Variants in PTDSS1 observed in about 807,000 individuals in gnomAD.
The protein encoded by PTDSS1 is PSS-1.
In PTDSS1, 45 loss-of-function variants were observed where a neutral mutation model predicts 70.5. The observed-to-expected ratio is 0.64, with a 90% CI of 0.50 to 0.82. PTDSS1 has a LOEUF of 0.82. Ranked by LOEUF, PTDSS1 falls within the 40% of genes least tolerant of loss-of-function variation. PTDSS1 has a pLI of 0.00. For synonymous variants in PTDSS1, 188 were observed against 203.8 expected, an observed-to-expected ratio of 0.92 and a Z score of 0.66; for missense variants, 417 against 586.1, an observed-to-expected ratio of 0.71 and a Z score of 2.98.
intron 5 of PTDSS1, among the ~76,000 whole-genome samples, chr8:96,298,114 C>T (rs976491588): frequency 6.6e-6 from 1 of 152,156 alleles, no homozygotes; most frequent in African/African-American, 2.4e-5. Context: ...TCTCTAAGGG[C>T]AAGAGTTAAG....
chr8:96,297,889 A>G (rs1006626685), intron 5 of PTDSS1, among the ~76,000 whole-genome samples: 4 of 152,206 alleles, frequency 2.6e-5, no homozygotes, highest in African/African-American at 4.8e-5. Context: ...TGCCTTATAC[A>G]TGGCAGATGC....
At chr8:96,310,549 A>G (rs191248843) in intron 9 of PTDSS1, among the ~76,000 whole-genome samples, 2 of 151,886 alleles carry the variant, frequency 1.3e-5, no homozygotes, top group East Asian at 1.9e-4. Context: ...TATGAAATAC[A>G]TTAGAGAGAA....
chr8:96,328,806 C>T (rs1372377517), intron 10 of PTDSS1, among the ~76,000 whole-genome samples: 1 of 152,256 alleles, frequency 6.6e-6, no homozygotes, highest in African/African-American at 2.4e-5. Flanking sequence ...CCTTCCCGCC[C>T]TACCACCAGA....
At chr8:96,309,283 C>T (rs944024278) in intron 8 of PTDSS1, 16 of 194,620 alleles carry the variant, frequency 8.2e-5, no homozygotes, top group African/African-American at 1.1e-4. Flanking sequence ...TAAATGGTTG[C>T]GATCAGTTAG....
chr8:96,290,568 T>TA (rs1810888196), intron 4 of PTDSS1, among the ~76,000 whole-genome samples: 1 of 152,214 alleles, frequency 6.6e-6, no homozygotes, highest in African/African-American at 2.4e-5. Flanking sequence ...GTTCAGCCTG[T>TA]AGAGTTCTAA....
At chr8:96,316,045 C>A (rs142986134) in intron 9 of PTDSS1, among the ~76,000 whole-genome samples, 213 of 152,268 alleles carry the variant, frequency 1.4e-3, no homozygotes, top group African/African-American at 4.8e-3. Context: ...GTAATGTCAG[C>A]CTTCTGGAAG....
chr8:96,301,071 T>A (rs1811043170), intron 6 of PTDSS1, among the ~76,000 whole-genome samples: 1 of 152,226 alleles, frequency 6.6e-6, no homozygotes, highest in Non-Finnish European at 1.5e-5. Flanking sequence ...TTCTACAGAT[T>A]AAGCTAATTA....
intron 1 of PTDSS1, among the ~76,000 whole-genome samples, chr8:96,267,205 G>C (rs185846810): frequency 3.7e-4 from 56 of 152,278 alleles, no homozygotes; most frequent in African/African-American, 1.3e-3. Context: ...ATCCCAGAAC[G>C]AGGACTAGTC....
At position 96,262,047 on chromosome 8, in the gene PTDSS1, T is replaced by C; in HGVS notation, c.7T>C (p.Ser3Pro). Residue 3 changes from serine (S) to proline (P), a missense_variant, in exon 1 of 13, where the codon TCC becomes CCC. Ser to Pro is a moderately conservative substitution (Grantham distance 74). Coordinates refer to ENST00000517309, the MANE Select transcript of PTDSS1 (RefSeq NM_014754.3). The surrounding 1 kb of genome is among the most constrained non-coding windows in gnomAD (Gnocchi z 4.4). ...CAGGACGGGGAGGCGGGCCATGGCG[T>C]CCTGCGTGGGGAGCCGGACCCTAAG... MA[S>P]CVGSRTLSKD... 1.2e-6 allele frequency: 2 copies of C among 1,612,068 alleles called. No individual in the cohort carries two copies. Among genetic ancestry groups the C allele is most frequent in the Non-Finnish European group, 8.5e-7 (1 of 1,179,040 alleles).
At chr8:96,308,804 GAATTTAA>G (rs144798452) in intron 8 of PTDSS1, among the ~76,000 whole-genome samples, 1,670 of 152,260 alleles carry the variant, frequency 0.011, 30 homozygotes, top group African/African-American at 0.038. Flanking sequence ...GTCTACTGGA[GAATTTAA>G]AATTGCATTT....
chr8:96,312,372 C>A (rs1242883141), intron 9 of PTDSS1, among the ~76,000 whole-genome samples: 1 of 151,962 alleles, frequency 6.6e-6, no homozygotes, highest in East Asian at 1.9e-4. Context: ...ATCACTTGAA[C>A]CCAGGATGTC....
chr8:96,280,715 C>T (rs1238325286), intron 2 of PTDSS1, among the ~76,000 whole-genome samples: 1 of 152,144 alleles, frequency 6.6e-6, no homozygotes, highest in Non-Finnish European at 1.5e-5. Flanking sequence ...CCCAATTCTC[C>T]AACATAAGCA....
intron 2 of PTDSS1, among the ~76,000 whole-genome samples, chr8:96,278,973 T>C (rs13265919): frequency 0.21 from 13,092 of 61,960 alleles, 534 homozygotes; most frequent in African/African-American, 0.36. Flanking sequence ...TCAGCCCCCC[T>C]TTTTTTTTTT....
chr8:96,299,828 C>A lies in PTDSS1; in HGVS notation c.735C>A (p.Tyr245Ter). 1 of 1,612,704 alleles carries A rather than the reference C, an allele frequency of 6.2e-7. No homozygotes were observed. Among genetic ancestry groups the A allele is most frequent in the Admixed American group, 1.7e-5 (1 of 59,676 alleles). The change falls in exon 6 of 13, where the codon TAC (tyrosine) becomes TAA (stop). Residue 245 changes from tyrosine to a stop codon, truncating the protein, a stop_gained. Transcript: ENST00000517309. LOFTEE classifies it high-confidence loss of function. ...GCCGGTTTTTAGAGATGAGGACTTA[C>A]CACTGGGCAAGCTTCAAGTGAGTTG... Reference protein sequence around the residue: ...VVCRFLEMRTYHWASFKDIHT... With the variant: ...VVCRFLEMRT
intron 4 of PTDSS1, among the ~76,000 whole-genome samples, chr8:96,293,756 G>A (rs552807755): frequency 1.3e-5 from 2 of 152,342 alleles, no homozygotes; most frequent in South Asian, 2.1e-4. Flanking sequence ...ATTACTTTAA[G>A]AGCAGCCTTC....
intron 9 of PTDSS1, among the ~76,000 whole-genome samples, chr8:96,313,977 C>T (rs1009150784): frequency 1.3e-5 from 2 of 152,192 alleles, no homozygotes; most frequent in African/African-American, 4.8e-5. Flanking sequence ...CTCCTCCTTA[C>T]AATTTCTCAT....
rs182600498 is a variant in PTDSS1 at position 96,328,761 on chromosome 8, C to T, written c.1174-1452C>T. ...ATAAAGGAACTGGGCCAAAGCTCGACTGCAAGCTGCCATGATGAGAATTCA... is the reference window on the plus strand; with the variant it reads ...ATAAAGGAACTGGGCCAAAGCTCGATTGCAAGCTGCCATGATGAGAATTCA... On this transcript the variant is annotated intron_variant, in intron 10 of 12. Coordinates refer to ENST00000517309, the MANE Select transcript of PTDSS1 (RefSeq NM_014754.3). Among the ~76,000 whole-genome samples, 506 of 152,328 alleles carry T rather than the reference C, an allele frequency of 3.3e-3. 1 individual carries two copies. The highest frequency in any genetic ancestry group is 4.7e-3 in the Non-Finnish European group (317 of 68,016).
intron 5 of PTDSS1, among the ~76,000 whole-genome samples, chr8:96,296,409 A>G (rs1810977149): frequency 6.6e-6 from 1 of 152,106 alleles, no homozygotes; most frequent in Non-Finnish European, 1.5e-5. Context: ...AAGTGCTGGG[A>G]TTACAGGCGT....
At chr8:96,270,339 G>A (rs1810547148) in intron 1 of PTDSS1, among the ~76,000 whole-genome samples, 1 of 152,058 alleles carries the variant, frequency 6.6e-6, no homozygotes, top group Admixed American at 6.6e-5. Context: ...TCTATTTCAT[G>A]ATTAACTATG....
Sources: allele counts gnomAD v4.1 joint callset (sites outside exome capture counted in the v4.1 genomes callset), GRCh38; gene constraint gnomAD v4.1.1; non-coding constraint Gnocchi (gnomAD v3.1); transcripts MANE v1.5; gene names NCBI Gene and HGNC (gene_info 2026-07-23, HGNC 2026-07-21).